Variants in PTPRD observed in about 807,000 individuals in gnomAD.
PTPRD encodes protein tyrosine phosphatase receptor type D.
In PTPRD, 34 loss-of-function variants were observed where a neutral mutation model predicts 214.5. The observed-to-expected ratio is 0.16, with a 90% CI of 0.12 to 0.21. PTPRD has a LOEUF of 0.21. Ranked by LOEUF, PTPRD falls within the 10% of genes least tolerant of loss-of-function variation. The pLI is 1.00. For missense variants in PTPRD, 2,545 were observed against 2,398.7 expected, an observed-to-expected ratio of 1.06 and a Z score of -1.27; for synonymous variants, 1,128 against 845.7, an observed-to-expected ratio of 1.33 and a Z score of -5.79.
chr9:8,455,715 G>C (rs1049176532), intron 33 of PTPRD, among the ~76,000 whole-genome samples: 2 of 152,150 alleles, frequency 1.3e-5, no homozygotes, highest in Non-Finnish European at 2.9e-5. Flanking sequence ...TAATTTTATA[G>C]TGATTTACGT....
chr9:8,551,875 T>G (rs549231633), intron 14 of PTPRD, among the ~76,000 whole-genome samples: 2 of 152,314 alleles, frequency 1.3e-5, no homozygotes, highest in South Asian at 4.1e-4. Context: ...ACCAGAAATG[T>G]GATCCAGTCA....
intron 14 of PTPRD, among the ~76,000 whole-genome samples, chr9:8,618,895 TG>T (rs1167780229): frequency 1.2e-3 from 166 of 141,070 alleles, no homozygotes; most frequent in African/African-American, 3.9e-3. Flanking sequence ...TGTGTGTGTG[TG>T]TTTGTCTGTG....
chr9:9,878,394 A>G (rs184687159), intron 5 of PTPRD, among the ~76,000 whole-genome samples: 13 of 152,128 alleles, frequency 8.5e-5, no homozygotes, highest in African/African-American at 2.2e-4. Context: ...ATCGTGGGAG[A>G]ATTATAGGGA....
intron 14 of PTPRD, among the ~76,000 whole-genome samples, chr9:8,593,218 T>C (rs112398983): frequency 3.3e-5 from 5 of 152,214 alleles, no homozygotes; most frequent in African/African-American, 9.6e-5. Context: ...TTGAGGGCGT[T>C]TATCTTTATC....
At chr9:10,498,368 G>C (rs1054385666) in intron 2 of PTPRD, among the ~76,000 whole-genome samples, 8 of 151,894 alleles carry the variant, frequency 5.3e-5, no homozygotes, top group Non-Finnish European at 7.4e-5. Flanking sequence ...ATGAAACACA[G>C]TATTTTTGTT....
At chr9:9,370,642 C>T (rs1185794702) in intron 9 of PTPRD, among the ~76,000 whole-genome samples, 2 of 151,014 alleles carry the variant, frequency 1.3e-5, no homozygotes, top group Non-Finnish European at 3.0e-5. Context: ...GAACTTCCAA[C>T]ACTATGTTGA....
intron 14 of PTPRD, among the ~76,000 whole-genome samples, chr9:8,622,018 G>A (rs2095841935): frequency 6.6e-6 from 1 of 151,652 alleles, no homozygotes; most frequent in Admixed American, 6.6e-5. Flanking sequence ...GTCCTCTGAG[G>A]GAGAAGATGT....
intron 12 of PTPRD, among the ~76,000 whole-genome samples, chr9:8,697,394 T>A (rs952123409): frequency 6.6e-6 from 1 of 151,040 alleles, no homozygotes; most frequent in Admixed American, 6.6e-5. Context: ...TGGGATTTTT[T>A]ATTATTTATT....
At chr9:8,983,045 GA>G (rs1389078234) in intron 11 of PTPRD, among the ~76,000 whole-genome samples, 3 of 151,652 alleles carry the variant, frequency 2.0e-5, no homozygotes, top group African/African-American at 7.3e-5. Flanking sequence ...ATGTACTGTG[GA>G]AAAAAATCTA....
intron 3 of PTPRD, among the ~76,000 whole-genome samples, chr9:10,272,928 C>T (rs954186614): frequency 7.2e-5 from 11 of 152,032 alleles, no homozygotes; most frequent in African/African-American, 2.7e-4. Context: ...AAATGTTGTC[C>T]ATCAGTATTC....
intron 8 of PTPRD, among the ~76,000 whole-genome samples, chr9:9,497,129 G>C (rs1192449353): frequency 2.0e-5 from 3 of 152,148 alleles, no homozygotes; most frequent in African/African-American, 7.2e-5. Flanking sequence ...TGTGTATGGA[G>C]TTTTAGTTTT....
At chr9:10,473,253 A>G (rs993500261) in intron 2 of PTPRD, among the ~76,000 whole-genome samples, 1 of 152,098 alleles carries the variant, frequency 6.6e-6, no homozygotes, top group Non-Finnish European at 1.5e-5. Context: ...GGAGAGGTAG[A>G]TATGACTTAG....
At chr9:10,324,048 G>T (rs1366587852) in intron 3 of PTPRD, among the ~76,000 whole-genome samples, 4 of 152,012 alleles carry the variant, frequency 2.6e-5, no homozygotes, top group Admixed American at 6.6e-5. Flanking sequence ...AAAATTGGTT[G>T]CTATATTGAT....
chr9:10,134,733 G>C (rs1035054248), intron 3 of PTPRD, among the ~76,000 whole-genome samples: 3 of 151,872 alleles, frequency 2.0e-5, no homozygotes, highest in African/African-American at 7.3e-5. Context: ...CTAAACAAAA[G>C]CAACTGCGAA....
intron 5 of PTPRD, among the ~76,000 whole-genome samples, chr9:9,908,206 C>T (rs759622809): frequency 1.6e-4 from 25 of 151,940 alleles, no homozygotes; most frequent in Non-Finnish European, 3.5e-4. Flanking sequence ...AAATTAAATA[C>T]CTCTCTGGAA....
At chr9:9,327,275 G>A (rs144075226) in intron 9 of PTPRD, among the ~76,000 whole-genome samples, 4 of 152,216 alleles carry the variant, frequency 2.6e-5, no homozygotes, top group Admixed American at 2.6e-4. Flanking sequence ...CTTCAATTCT[G>A]CTACTTCTTT....
intron 20 of PTPRD, among the ~76,000 whole-genome samples, chr9:8,519,415 T>C (rs2097848610): frequency 6.6e-6 from 1 of 152,218 alleles, no homozygotes; most frequent in Non-Finnish European, 1.5e-5. Flanking sequence ...ACAATGATTC[T>C]GAAACGCAGT....
At chr9:9,133,899 G>A (rs570938851) in intron 10 of PTPRD, among the ~76,000 whole-genome samples, 27 of 152,118 alleles carry the variant, frequency 1.8e-4, no homozygotes, top group Non-Finnish European at 2.8e-4. Flanking sequence ...AAAGGGAACT[G>A]GGTAAGACTC....
intron 4 of PTPRD, among the ~76,000 whole-genome samples, chr9:9,950,987 G>A (rs910129861): frequency 6.6e-6 from 1 of 152,118 alleles, no homozygotes; most frequent in Non-Finnish European, 1.5e-5. Context: ...TTTGGGGGCT[G>A]GATTACTCAC....
Sources: gnomAD v4.1 joint callset for allele counts (sites outside exome capture counted in the v4.1 genomes callset) on GRCh38, gnomAD v4.1.1 for gene constraint, MANE v1.5 for transcripts, NCBI Gene and HGNC (gene_info 2026-07-23, HGNC 2026-07-21) for gene names.